The following RALGPS2 variants were observed in gnomAD, a reference collection of about 807,000 sequenced individuals.
RALGPS2 encodes the protein Ral GEF with PH domain and SH3 binding motif 2.
Under a neutral mutation model 86.8 loss-of-function variants are expected in RALGPS2, and 43 were observed. The observed-to-expected ratio is 0.50, with a 90% CI of 0.39 to 0.64. The LOEUF is 0.64. RALGPS2 is among the 30% of genes least tolerant of loss of function. The pLI, the probability that RALGPS2 is intolerant of heterozygous loss-of-function variation, is 0.00. For synonymous variants in RALGPS2, 243 were observed against 231.3 expected (o/e 1.05, Z -0.46); for missense variants, 536 against 694.6 (o/e 0.77, Z 2.57).
At chr1:178,861,126 T>C (rs766522516) in intron 8 of RALGPS2, among the ~76,000 whole-genome samples, 2 of 152,168 alleles carry the variant, frequency 1.3e-5, no homozygotes, top group Non-Finnish European at 2.9e-5. Flanking sequence ...ACAAAGGTAG[T>C]GGTAGAACCA....
At chr1:178,766,564 A>G (rs1358648560) in intron 1 of RALGPS2, among the ~76,000 whole-genome samples, 1 of 152,088 alleles carries the variant, frequency 6.6e-6, no homozygotes, top group African/African-American at 2.4e-5. Context: ...ACTAACCAAT[A>G]CATAGGCCCA....
At chr1:178,821,284 G>GA in intron 6 of RALGPS2, among the ~76,000 whole-genome samples, 1 of 152,294 alleles carries the variant, frequency 6.6e-6, no homozygotes, top group African/African-American at 2.4e-5. Context: ...CAGTATAAGG[G>GA]AGACTGTTTA....
chr1:178,725,759 C>T (rs1214205441), intron 1 of RALGPS2: 1 of 152,224 alleles, frequency 6.6e-6, no homozygotes, highest in African/African-American at 2.4e-5. Context: ...GCGGAAGCCC[C>T]CAGCCTCCGC....
intron 4 of RALGPS2, among the ~76,000 whole-genome samples, chr1:178,787,570 G>A (rs1653717300): frequency 6.6e-6 from 1 of 152,102 alleles, no homozygotes; most frequent in African/African-American, 2.4e-5. Flanking sequence ...TTGGTGGCTA[G>A]GAGCTTGGAT....
intron 8 of RALGPS2, among the ~76,000 whole-genome samples, chr1:178,874,930 A>G (rs1004218552): frequency 6.6e-6 from 1 of 152,190 alleles, no homozygotes; most frequent in African/African-American, 2.4e-5. Flanking sequence ...TTTTTGTGAA[A>G]TCACGATTCT....
chr1:178,735,260 T>G (rs1650606911), intron 1 of RALGPS2, among the ~76,000 whole-genome samples: 1 of 152,054 alleles, frequency 6.6e-6, no homozygotes, highest in South Asian at 2.1e-4. Flanking sequence ...ACGTACTCCA[T>G]GAAGTCATAC....
At chr1:178,737,125 T>C (rs1165281752) in intron 1 of RALGPS2, among the ~76,000 whole-genome samples, 1 of 152,232 alleles carries the variant, frequency 6.6e-6, no homozygotes, top group Non-Finnish European at 1.5e-5. Flanking sequence ...ATGCACTATT[T>C]ATGTACATCT....
chr1:178,735,683 A>G (rs1185959159), intron 1 of RALGPS2, among the ~76,000 whole-genome samples: 1 of 147,808 alleles, frequency 6.8e-6, no homozygotes, highest in Non-Finnish European at 1.5e-5. Flanking sequence ...TGTAAAATTC[A>G]TCACACAGAA....
intron 19 of RALGPS2, among the ~76,000 whole-genome samples, chr1:178,909,952 A>G (rs1190030803): frequency 6.6e-6 from 1 of 152,052 alleles, no homozygotes; most frequent in African/African-American, 2.4e-5. Flanking sequence ...CCCGGCTTGT[A>G]ATTCTCATAG....
chr1:178,838,545 G>C (rs1482690703), intron 8 of RALGPS2, among the ~76,000 whole-genome samples: 1 of 152,062 alleles, frequency 6.6e-6, no homozygotes, highest in African/African-American at 2.4e-5. Flanking sequence ...AAGACCAAAG[G>C]TAGATAAAAC....
intron 8 of RALGPS2, chr1:178,853,297 T>C (rs1657304195): frequency 3.5e-6 from 3 of 850,592 alleles, no homozygotes; most frequent in Admixed American, 6.2e-5. Flanking sequence ...CTCTCTCATA[T>C]TCATCTAAAG....
chr1:178,742,316 A>G (rs936208845), intron 1 of RALGPS2, among the ~76,000 whole-genome samples: 4 of 152,144 alleles, frequency 2.6e-5, no homozygotes, highest in South Asian at 2.1e-4. Context: ...ATGTGGCTAT[A>G]TTAATATTGG....
At chr1:178,910,913 G>A (rs1375458733) in intron 19 of RALGPS2, among the ~76,000 whole-genome samples, 1 of 152,084 alleles carries the variant, frequency 6.6e-6, no homozygotes, top group Non-Finnish European at 1.5e-5. Flanking sequence ...GGGTTGGTAG[G>A]TTGTTTATTA....
rs574167108 is a variant in RALGPS2 at position 178,916,089 on chromosome 1, A to G, written c.1723-241A>G. On this transcript the variant is annotated intron_variant, in intron 19 of 19. Transcript: ENST00000367635. ...GTTAGACAAGAAAGATATTGTCTCT[A>G]CCCCTTCTCCTGTATAGATGTCATT... is the stretch of plus-strand genomic sequence containing the variant. Among the ~76,000 whole-genome samples the G allele has an allele frequency of 4.6e-5, 7 of 152,232 alleles. No individual in the cohort carries two copies. In the South Asian group the frequency reaches 1.5e-3, roughly 32 times the overall value.
At chr1:178,776,028 C>A (rs1653065691) in intron 1 of RALGPS2, among the ~76,000 whole-genome samples, 1 of 151,280 alleles carries the variant, frequency 6.6e-6, no homozygotes, top group Non-Finnish European at 1.5e-5. Context: ...GTAGCATTGG[C>A]ACTGTATTAA....
chr1:178,889,197 G>A (rs1659616022), intron 13 of RALGPS2, among the ~76,000 whole-genome samples: 1 of 151,960 alleles, frequency 6.6e-6, no homozygotes, highest in Non-Finnish European at 1.5e-5. Flanking sequence ...AGACAAATAA[G>A]TGGATTTCAT....
chr1:178,818,020 C>T (rs966372037), intron 6 of RALGPS2, among the ~76,000 whole-genome samples: 8 of 152,132 alleles, frequency 5.3e-5, no homozygotes, highest in Non-Finnish European at 7.4e-5. Context: ...ACTCTCTTCT[C>T]CCAGGGTGGT....
In RALGPS2 at chr1:178,757,796, C is replaced by G. The variant is rs144434048; in HGVS notation, c.-83-18886C>G. On this transcript the variant is annotated intron_variant, in intron 1 of 19. Transcript: ENST00000367635. ...GCCAGGTTTTGGTATCAAGGTGATG[C>G]TGGCTTCATAGAATGAGTTAGGGAG... Among the ~76,000 whole-genome samples, 129 of 152,238 alleles carry G rather than the reference C, an allele frequency of 8.5e-4. 2 individuals are homozygous for G. In the East Asian group the frequency reaches 0.022, roughly 26 times the overall value.
intron 8 of RALGPS2, among the ~76,000 whole-genome samples, chr1:178,837,517 G>T (rs1407947922): frequency 2.0e-5 from 3 of 152,104 alleles, no homozygotes; most frequent in Non-Finnish European, 4.4e-5. Context: ...GTGTCTGAGG[G>T]TTACCCAAGA....
Sources: gnomAD v4.1 joint callset for allele counts (sites outside exome capture counted in the v4.1 genomes callset) on GRCh38, gnomAD v4.1.1 for gene constraint, MANE v1.5 for transcripts, NCBI Gene and HGNC (gene_info 2026-07-23, HGNC 2026-07-21) for gene names.